The following KCND3 variants were observed in gnomAD, a reference collection of about 807,000 sequenced individuals.
KCND3 encodes the protein A-type voltage-gated potassium channel KCND3.
Under a neutral mutation model 51.1 loss-of-function variants are expected in KCND3, and 9 were observed. That is an observed-to-expected ratio of 0.18 (90% CI 0.11 to 0.31). KCND3 has a LOEUF of 0.31. KCND3 is among the 10% of genes least tolerant of loss of function. The pLI, the probability that KCND3 is intolerant of heterozygous loss-of-function variation, is 1.00. For missense variants in KCND3, 526 were observed against 903.8 expected (o/e 0.58, Z 5.36); for synonymous variants, 349 against 368.0 (o/e 0.95, Z 0.59).
chr1:111,874,422 T>C (rs1668959245), intron 2 of KCND3, among the ~76,000 whole-genome samples: 1 of 152,176 alleles, frequency 6.6e-6, no homozygotes, highest in Admixed American at 6.5e-5. Context: ...CTTTTCTTTG[T>C]TGTTTGGAAT....
chr1:111,826,466 T>G (rs4839170), intron 2 of KCND3, among the ~76,000 whole-genome samples: 81,916 of 152,050 alleles, frequency 0.54, 24,573 homozygotes, highest in Non-Finnish European at 0.66. Flanking sequence ...GACACGTGTC[T>G]GCTCTCATGC....
At chr1:111,917,109 G>A (rs1671253153) in intron 2 of KCND3, among the ~76,000 whole-genome samples, 1 of 152,144 alleles carries the variant, frequency 6.6e-6, no homozygotes, top group Admixed American at 6.5e-5. Flanking sequence ...ATTTATGACT[G>A]GAAAAAATCC....
chr1:111,808,363 G>C (rs1471152738), intron 2 of KCND3, among the ~76,000 whole-genome samples: 1 of 152,158 alleles, frequency 6.6e-6, no homozygotes, highest in Admixed American at 6.5e-5. Context: ...CTTATTTCCT[G>C]AGATCAATGA....
intron 2 of KCND3, among the ~76,000 whole-genome samples, chr1:111,867,334 A>T (rs1668626583): frequency 6.6e-6 from 1 of 152,196 alleles, no homozygotes; most frequent in Non-Finnish European, 1.5e-5. Context: ...ATAGAACTAA[A>T]CATAGCCCCT....
intron 2 of KCND3, among the ~76,000 whole-genome samples, chr1:111,917,439 T>C (rs1671271957): frequency 6.6e-6 from 1 of 152,180 alleles, no homozygotes. Context: ...AAGTGCTCAG[T>C]AAATGCTCAC....
chr1:111,978,992 G>A (rs1674796413), intron 2 of KCND3, among the ~76,000 whole-genome samples: 1 of 152,206 alleles, frequency 6.6e-6, no homozygotes, highest in Non-Finnish European at 1.5e-5. Flanking sequence ...GAAAAAGGTT[G>A]CTTTCTCATT....
rs1215428330 is a variant in KCND3 at position 111,989,594 on chromosome 1, C to A, written c.-162G>T. ...GAGCCGGGGCCGCGGAGGCGCCGAG[C>A]GCCCAGCAGCGCGGGGAAGCGCCCA... On this transcript the variant is annotated 5_prime_UTR_variant, in exon 1 of 8. Coordinates refer to ENST00000302127, the MANE Select transcript of KCND3 (RefSeq NM_001378969.1). Among the ~76,000 whole-genome samples the A allele has an allele frequency of 6.8e-6, 1 of 147,922 alleles. No homozygotes were observed. The highest frequency in any genetic ancestry group is 1.5e-5 in the Non-Finnish European group (1 of 66,396).
chr1:111,837,011 C>A (rs1319371959), intron 2 of KCND3, among the ~76,000 whole-genome samples: 1 of 152,202 alleles, frequency 6.6e-6, no homozygotes, highest in Non-Finnish European at 1.5e-5. Flanking sequence ...AGTTTTAATA[C>A]CAACATATGT....
chr1:111,848,011 A>G (rs369787471), intron 2 of KCND3, among the ~76,000 whole-genome samples: 1 of 152,206 alleles, frequency 6.6e-6, no homozygotes. Flanking sequence ...CAGTCAAGGC[A>G]GGGCTAAGCA....
intron 2 of KCND3, among the ~76,000 whole-genome samples, chr1:111,827,632 T>C (rs1666637489): frequency 6.6e-6 from 1 of 152,202 alleles, no homozygotes; most frequent in Admixed American, 6.5e-5. Flanking sequence ...AACAATCCTA[T>C]GAGGCTGGTA....
At chr1:111,869,904 A>AACAC (rs35756898) in intron 2 of KCND3, among the ~76,000 whole-genome samples, 3,517 of 151,150 alleles carry the variant, frequency 0.023, 64 homozygotes, top group Non-Finnish European at 0.037. Flanking sequence ...CAAAAGAATG[A>AACAC]ACACACACAC....
intron 2 of KCND3, among the ~76,000 whole-genome samples, chr1:111,916,229 G>C (rs1671211391): frequency 6.6e-6 from 1 of 152,056 alleles, no homozygotes; most frequent in Non-Finnish European, 1.5e-5. Context: ...CCTTTAATTT[G>C]ACCATACTAG....
chr1:111,832,543 C>T (rs1386249484), intron 2 of KCND3, among the ~76,000 whole-genome samples: 1 of 152,174 alleles, frequency 6.6e-6, no homozygotes, highest in South Asian at 2.1e-4. Context: ...GATGCCCCTT[C>T]CCTAAAGCAT....
chr1:111,954,248 T>C (rs570697937), intron 2 of KCND3, among the ~76,000 whole-genome samples: 1 of 152,286 alleles, frequency 6.6e-6, no homozygotes, highest in East Asian at 1.9e-4. Flanking sequence ...ACTGTCCAGT[T>C]TTTGTGAGCC....
chr1:111,850,606 A>G (rs1237521074), intron 2 of KCND3, among the ~76,000 whole-genome samples: 1 of 152,248 alleles, frequency 6.6e-6, no homozygotes, highest in East Asian at 1.9e-4. Flanking sequence ...GGACAGAGGC[A>G]TGAAGCTGTG....
At chr1:111,842,310 G>A (rs1197677081) in intron 2 of KCND3, among the ~76,000 whole-genome samples, 1 of 152,208 alleles carries the variant, frequency 6.6e-6, no homozygotes, top group African/African-American at 2.4e-5. Flanking sequence ...CTGCCCAGAT[G>A]CCTGCCTGCC....
chr1:111,888,545 G>A (rs1339260273), intron 2 of KCND3, among the ~76,000 whole-genome samples: 1 of 152,026 alleles, frequency 6.6e-6, no homozygotes, highest in Non-Finnish European at 1.5e-5. Flanking sequence ...AGCAGGGCAC[G>A]GTGGTGGGCG....
intron 2 of KCND3, among the ~76,000 whole-genome samples, chr1:111,838,605 C>T (rs1042839587): frequency 3.3e-5 from 5 of 151,966 alleles, no homozygotes; most frequent in Admixed American, 6.6e-5. Flanking sequence ...TGCAGTGAGC[C>T]GAGATCGCAC....
chr1:111,949,622 T>A (rs1672956011), intron 2 of KCND3, among the ~76,000 whole-genome samples: 3 of 152,220 alleles, frequency 2.0e-5, no homozygotes, highest in Non-Finnish European at 2.9e-5. Flanking sequence ...ATTTTCTGTT[T>A]TTGTTTCATT....
Sources: allele counts gnomAD v4.1 joint callset (sites outside exome capture counted in the v4.1 genomes callset), GRCh38; gene constraint gnomAD v4.1.1; transcripts MANE v1.5; gene names NCBI Gene and HGNC (gene_info 2026-07-23, HGNC 2026-07-21).